The following CAST variants were observed in gnomAD, a reference collection of about 807,000 sequenced individuals.
CAST encodes the protein MIR583 host.
A neutral mutation model predicts 119.6 loss-of-function variants in CAST; 76 were observed. That is an observed-to-expected ratio of 0.64 (90% CI 0.53 to 0.77). The LOEUF is 0.77. Ranked by LOEUF, CAST falls within the 30% of genes least tolerant of loss-of-function variation. The probability of loss-of-function intolerance (pLI) is 0.00; values close to 1 mark genes in which losing one functional copy is unlikely to be tolerated. For synonymous variants in CAST, 319 were observed against 331.6 expected, an observed-to-expected ratio of 0.96 and a Z score of 0.41; for missense variants, 953 against 946.5, an observed-to-expected ratio of 1.01 and a Z score of -0.09.
intron 1 of CAST, among the ~76,000 whole-genome samples, chr5:96,613,947 ATTG>A (rs1747408797): frequency 6.6e-6 from 1 of 152,154 alleles, no homozygotes; most frequent in Non-Finnish European, 1.5e-5. Context: ...TGTTTTTTAA[ATTG>A]TTGTTCATTT....
chr5:96,368,210 A>G, the CAST span, among the ~76,000 whole-genome samples: 1 of 151,042 alleles, frequency 6.6e-6, no homozygotes, highest in East Asian at 1.9e-4. Flanking sequence ...TTGAATTTCT[A>G]TAGAATTGGC....
At chr5:96,741,414 A>G in intron 14 of CAST, 56 bp downstream of exon 14, 1 of 1,485,688 alleles carries the variant, frequency 6.7e-7, no homozygotes, top group Non-Finnish European at 9.4e-7. Flanking sequence ...TGAACTTTAA[A>G]AGAATAACTT....
intron 1 of CAST, among the ~76,000 whole-genome samples, chr5:96,551,230 C>A (rs6889496): frequency 0.3 from 44,921 of 152,074 alleles, 7,011 homozygotes; most frequent in East Asian, 0.58. Flanking sequence ...CTGCAGAAAC[C>A]CTACAAGCCA....
chr5:96,046,277 A>G, the CAST span, among the ~76,000 whole-genome samples: 3 of 152,126 alleles, frequency 2.0e-5, no homozygotes, highest in African/African-American at 7.2e-5. Context: ...GTGAGTAGGG[A>G]GAAGAATGGG....
the CAST span, among the ~76,000 whole-genome samples, chr5:96,496,930 T>C: frequency 6.6e-6 from 1 of 151,946 alleles, no homozygotes; most frequent in Non-Finnish European, 1.5e-5. Flanking sequence ...TACATATGCA[T>C]ACATGTGCCA....
the CAST span, among the ~76,000 whole-genome samples, chr5:96,080,312 T>G: frequency 3.9e-5 from 6 of 152,198 alleles, no homozygotes; most frequent in African/African-American, 1.4e-4. Context: ...AAACAGGACT[T>G]TCTCTTTTAA....
chr5:96,064,809 AT>A, the CAST span, among the ~76,000 whole-genome samples: 2 of 152,122 alleles, frequency 1.3e-5, no homozygotes, highest in African/African-American at 4.8e-5. Flanking sequence ...TTTTCTGGGA[AT>A]TGTTTTTTGT....
the CAST span, among the ~76,000 whole-genome samples, chr5:96,238,344 T>TTCA: frequency 3.9e-5 from 5 of 129,618 alleles, no homozygotes; most frequent in Non-Finnish European, 1.6e-5. Flanking sequence ...CTTCTTCTTC[T>TTCA]TCATCTTCAT....
the CAST span, among the ~76,000 whole-genome samples, chr5:96,359,966 A>G: frequency 6.6e-6 from 1 of 152,164 alleles, no homozygotes; most frequent in Non-Finnish European, 1.5e-5. Context: ...ACTTTCAGGT[A>G]CACCAATCAA....
chr5:96,264,591 T>G, the CAST span, among the ~76,000 whole-genome samples: 2 of 152,214 alleles, frequency 1.3e-5, no homozygotes, highest in Non-Finnish European at 2.9e-5. Flanking sequence ...AGCGTTCATT[T>G]GAAAACTTAG....
At chr5:96,039,672 C>T in the CAST span, among the ~76,000 whole-genome samples, 77 of 152,242 alleles carry the variant, frequency 5.1e-4, 1 homozygote, top group South Asian at 0.015. Flanking sequence ...TGTCAAAGAT[C>T]AGATGGTGCT....
the CAST span, among the ~76,000 whole-genome samples, chr5:96,246,773 C>T: frequency 2.4e-4 from 37 of 152,170 alleles, no homozygotes; most frequent in Non-Finnish European, 1.3e-4. Flanking sequence ...CCTGGCTTGG[C>T]TTCGATCTGG....
At chr5:96,590,584 G>A (rs976132028) in intron 1 of CAST, among the ~76,000 whole-genome samples, 3 of 152,210 alleles carry the variant, frequency 2.0e-5, no homozygotes, top group Non-Finnish European at 2.9e-5. Flanking sequence ...ATAGCAAAGC[G>A]CTGCTGTGAT....
At chr5:96,768,669 G>T (rs1770958044) in intron 29 of CAST, among the ~76,000 whole-genome samples, 1 of 152,142 alleles carries the variant, frequency 6.6e-6, no homozygotes, top group African/African-American at 2.4e-5. Flanking sequence ...TTCATTTAAA[G>T]TGAGAGCAGG....
At chr5:96,467,775 A>G in the CAST span, among the ~76,000 whole-genome samples, 1 of 152,122 alleles carries the variant, frequency 6.6e-6, no homozygotes, top group Non-Finnish European at 1.5e-5. Flanking sequence ...ACACAAATGC[A>G]CTGCTAGTGG....
Position 96,667,569 on chromosome 5 carries a change from C to CTT in CAST, c.75+5074_75+5075dup, listed in dbSNP as rs139980790. On this transcript the variant is annotated intron_variant, in intron 1 of 31. Coordinates refer to ENST00000675179, the MANE Select transcript of CAST (RefSeq NM_001750.7). ...AAAATTGGACACAAAGGGCCTGTACCTTTACAGTGTCATCTTGTCATGTCC... is the reference window on the plus strand; with the variant it reads ...AAAATTGGACACAAAGGGCCTGTACCTTTTTACAGTGTCATCTTGTCATGTCC... Among the ~76,000 whole-genome samples the CTT allele has an allele frequency of 3.3e-3, 503 of 152,302 alleles. 4 individuals are homozygous for CTT. The highest frequency in any genetic ancestry group is 0.012 in the African/African-American group (490 of 41,552).
At chr5:96,257,758 A>C in the CAST span, among the ~76,000 whole-genome samples, 87,201 of 152,122 alleles carry the variant, frequency 0.57, 26,220 homozygotes, top group Non-Finnish European at 0.66. Flanking sequence ...CCCTTTGGTC[A>C]GTTCTTTGTT....
At chr5:96,065,134 G>A in the CAST span, among the ~76,000 whole-genome samples, 373 of 152,060 alleles carry the variant, frequency 2.5e-3, no homozygotes, top group Non-Finnish European at 3.5e-3. Flanking sequence ...GGTTTAGTGA[G>A]AGGGATAGTA....
chr5:96,128,567 C>G, the CAST span, among the ~76,000 whole-genome samples: 1 of 152,086 alleles, frequency 6.6e-6, no homozygotes, highest in Non-Finnish European at 1.5e-5. Flanking sequence ...GTGAAAGCGA[C>G]ACTATCCTCC....
Sources: allele counts gnomAD v4.1 joint callset (sites outside exome capture counted in the v4.1 genomes callset), GRCh38; gene constraint gnomAD v4.1.1; transcripts MANE v1.5; gene names NCBI Gene and HGNC (gene_info 2026-07-23, HGNC 2026-07-21).